Variants in DEPTOR observed in about 807,000 individuals in gnomAD.
DEPTOR encodes the protein DEP domain containing MTOR interacting protein.
A neutral mutation model predicts 41.6 loss-of-function variants in DEPTOR; 41 were observed. The ratio of observed to expected loss-of-function variants is 0.98; its 90% CI spans 0.77 to 1.28. DEPTOR has a LOEUF of 1.28. DEPTOR is among the 50% of genes most tolerant of loss of function. The probability of loss-of-function intolerance (pLI) is 0.00; values close to 1 mark genes in which losing one functional copy is unlikely to be tolerated. For missense variants in DEPTOR, 514 were observed against 527.9 expected (o/e 0.97, Z 0.26); for synonymous variants, 195 against 192.3 (o/e 1.01, Z -0.12).
intron 8 of DEPTOR, among the ~76,000 whole-genome samples, chr8:120,029,173 G>A (rs1222878787): frequency 6.6e-6 from 1 of 151,938 alleles, no homozygotes; most frequent in Admixed American, 6.6e-5. Context: ...CCGTCTAACT[G>A]CCAATGTAAA....
intron 1 of DEPTOR, among the ~76,000 whole-genome samples, chr8:119,916,863 G>T (rs1827821386): frequency 1.3e-5 from 2 of 152,174 alleles, no homozygotes; most frequent in East Asian, 1.9e-4. Context: ...TATTTATTTG[G>T]TCGGTTGTTT....
chr8:119,943,949 T>G (rs1033324960), intron 3 of DEPTOR, among the ~76,000 whole-genome samples: 1 of 152,142 alleles, frequency 6.6e-6, no homozygotes, highest in African/African-American at 2.4e-5. Context: ...GCCATTCTCC[T>G]GCCTCAGCCT....
intron 4 of DEPTOR, among the ~76,000 whole-genome samples, chr8:119,971,058 G>A (rs1323736115): frequency 2.6e-5 from 4 of 151,900 alleles, no homozygotes; most frequent in Non-Finnish European, 4.4e-5. Context: ...GTGAAACCCC[G>A]TCTCTGCTAA....
chr8:119,885,327 T>C (rs1330299068), intron 1 of DEPTOR, among the ~76,000 whole-genome samples: 1 of 152,238 alleles, frequency 6.6e-6, no homozygotes, highest in Non-Finnish European at 1.5e-5. Flanking sequence ...TAAGTTATAT[T>C]GTGGTTGATA....
intron 8 of DEPTOR, among the ~76,000 whole-genome samples, chr8:120,013,964 C>T (rs1344590912): frequency 3.3e-5 from 5 of 151,932 alleles, no homozygotes; most frequent in South Asian, 2.1e-4. Context: ...CTCAGCCTCC[C>T]GAGTAGCTGG....
chr8:119,991,082 CT>C lies in DEPTOR; in HGVS notation c.605-10440del, dbSNP rs1563584647. 7.3e-4 allele frequency among the ~76,000 whole-genome samples: 53 copies of C among 72,528 alleles called. 1 individual carries two copies. The highest frequency in any genetic ancestry group is 1.1e-3 in the Non-Finnish European group (37 of 35,066). 47.6% of individuals were successfully genotyped at this position (72,528 alleles called of 152,430 possible). ...TCTTTCTTTCTTTCTTTCTTTCTTT[CT>C]TTCTTTTTCTTTCTTTCTTTCTTTC... On this transcript the variant is annotated intron_variant, in intron 4 of 8. Coordinates refer to ENST00000286234, the MANE Select transcript of DEPTOR (RefSeq NM_022783.4).
At chr8:119,948,471 T>G (rs1828311067) in intron 3 of DEPTOR, among the ~76,000 whole-genome samples, 1 of 151,950 alleles carries the variant, frequency 6.6e-6, no homozygotes, top group African/African-American at 2.4e-5. Context: ...AATATATTTA[T>G]TAAATGAATG....
intron 8 of DEPTOR, among the ~76,000 whole-genome samples, chr8:120,027,732 T>C (rs1812820923): frequency 6.6e-6 from 1 of 151,554 alleles, no homozygotes; most frequent in African/African-American, 2.4e-5. Context: ...AAATTCTAAC[T>C]GTCTCATGCC....
At position 120,011,859 on chromosome 8, in the gene DEPTOR, A is replaced by G. The variant is rs1006910593; in HGVS notation, c.1101+2726A>G. Among the ~76,000 whole-genome samples, 20 of 152,346 alleles carry G rather than the reference A, an allele frequency of 1.3e-4. No homozygotes were observed. The East Asian group carries it at 3.9e-3, about 29-fold the overall frequency. On this transcript the variant is annotated intron_variant, in intron 8 of 8. Transcript: ENST00000286234. ...TTATATGTTTAGTTTCTTCAGAGGT[A>G]CACAGTGGTTTTCTTATGTTATAGA...
chr8:119,936,150 A>G (rs1291356175), intron 3 of DEPTOR, among the ~76,000 whole-genome samples: 5 of 152,160 alleles, frequency 3.3e-5, no homozygotes, highest in Non-Finnish European at 5.9e-5. Context: ...TTAGATGTCT[A>G]TTGAATTCCT....
intron 4 of DEPTOR, among the ~76,000 whole-genome samples, chr8:119,968,917 A>AACCCCG (rs1289431575): frequency 2.6e-5 from 4 of 152,032 alleles, no homozygotes; most frequent in African/African-American, 9.7e-5. Context: ...AACATTGTGA[A>AACCCCG]ACCCCGTCTC....
intron 3 of DEPTOR, among the ~76,000 whole-genome samples, chr8:119,934,180 C>T (rs1191197333): frequency 6.6e-6 from 1 of 151,884 alleles, no homozygotes; most frequent in East Asian, 1.9e-4. Flanking sequence ...TGCGCCCGGC[C>T]TGGGTACCCT....
chr8:119,954,379 C>T (rs1361895757), intron 3 of DEPTOR, among the ~76,000 whole-genome samples: 1 of 151,980 alleles, frequency 6.6e-6, no homozygotes, highest in African/African-American at 2.4e-5. Context: ...TTCCTGGGCT[C>T]AAGTAATCCT....
At chr8:120,010,330 A>G (rs1055490656) in intron 8 of DEPTOR, among the ~76,000 whole-genome samples, 1 of 151,746 alleles carries the variant, frequency 6.6e-6, no homozygotes, top group Non-Finnish European at 1.5e-5. Flanking sequence ...TGATACATAT[A>G]CGTGCCAGGT....
chr8:119,950,533 A>G (rs2129924193), intron 3 of DEPTOR, among the ~76,000 whole-genome samples: 1 of 152,208 alleles, frequency 6.6e-6, no homozygotes, highest in East Asian at 1.9e-4. Context: ...CTCTTGCCTC[A>G]GCCTCCTGAG....
At chr8:119,989,614 A>G (rs1476163440) in intron 4 of DEPTOR, among the ~76,000 whole-genome samples, 1 of 151,860 alleles carries the variant, frequency 6.6e-6, no homozygotes, top group Non-Finnish European at 1.5e-5. Context: ...GGAATATAAT[A>G]TATATGGGAA....
chr8:119,898,727 T>TA (rs552676126), intron 1 of DEPTOR, among the ~76,000 whole-genome samples: 14,617 of 127,010 alleles, frequency 0.12, 817 homozygotes, highest in South Asian at 0.25. Flanking sequence ...AAATAAAAAC[T>TA]AAAAAAAAAA....
chr8:119,978,731 G>C (rs1828727155), intron 4 of DEPTOR, among the ~76,000 whole-genome samples: 1 of 152,140 alleles, frequency 6.6e-6, no homozygotes, highest in East Asian at 1.9e-4. Flanking sequence ...TATAAACAAT[G>C]ATTACTCTCA....
At chr8:120,020,883 A>G (rs1329485932) in intron 8 of DEPTOR, among the ~76,000 whole-genome samples, 2 of 151,850 alleles carry the variant, frequency 1.3e-5, no homozygotes, top group African/African-American at 2.4e-5. Flanking sequence ...ATGTGGCGAA[A>G]CGCTGTCTCT....
Sources: allele counts gnomAD v4.1 joint callset (sites outside exome capture counted in the v4.1 genomes callset), GRCh38; gene constraint gnomAD v4.1.1; transcripts MANE v1.5; gene names NCBI Gene and HGNC (gene_info 2026-07-23, HGNC 2026-07-21).